Variants in DAD1 observed in about 807,000 individuals in gnomAD.
The protein encoded by DAD1 is defender against cell death 1, also known as dolichyl-diphosphooligosaccharide--protein glycosyltransferase subunit DAD1.
In DAD1, 4 loss-of-function variants were observed where a neutral mutation model predicts 9.0. That is an observed-to-expected ratio of 0.44 (90% CI 0.22 to 1.01). DAD1 has a LOEUF of 1.01. Among genes scored for constraint, DAD1 ranks in the 50% least tolerant of loss-of-function variants. The pLI, the probability that DAD1 is intolerant of heterozygous loss-of-function variation, is 0.24. For synonymous variants in DAD1, 60 were observed against 62.5 expected (o/e 0.96, Z 0.19); for missense variants, 119 against 137.3 (o/e 0.87, Z 0.67).
intron 1 of DAD1, among the ~76,000 whole-genome samples, chr14:22,587,396 GGGCT>G (rs909674179): frequency 1.3e-5 from 2 of 152,088 alleles, no homozygotes; most frequent in African/African-American, 4.8e-5. Context: ...TTCCTTCTCC[GGGCT>G]GGCTAATAAA....
At chr14:22,583,449 A>G (rs2037131807) in intron 1 of DAD1, among the ~76,000 whole-genome samples, 1 of 152,112 alleles carries the variant, frequency 6.6e-6, no homozygotes, top group South Asian at 2.1e-4. Flanking sequence ...GAGTAGTTTC[A>G]GTGAAGTAAT....
chr14:22,574,941 A>C lies in DAD1; in HGVS notation c.*44+118T>G, dbSNP rs1194593238. The C allele has an allele frequency of 7.4e-6, 6 of 810,930 alleles. No homozygotes were observed. In the East Asian group the frequency reaches 1.5e-4, roughly 20 times the overall value. 50.2% of individuals were successfully genotyped at this position (810,930 alleles called of 1,614,324 possible). On this transcript the variant is annotated intron_variant, in intron 2 of 2. Coordinates refer to ENST00000250498, the MANE Select transcript of DAD1 (RefSeq NM_001344.4). ...ATGCATACTTTGCAGACCAATGGAA[A>C]ATTCTGCAAATGTCAATAGCAGTAT...
Position 22,589,177 on chromosome 14 carries a change from C to G in DAD1, c.-20G>C, listed in dbSNP as rs759723186. On this transcript the variant is annotated 5_prime_UTR_variant, in exon 1 of 3. Transcript: ENST00000250498. ...CGACATAACTGCACGCAAGGTACTC[C>G]GGTCCGCGCCCCAAACTCTTGGAGG... The G allele has an allele frequency of 1.9e-6, 3 of 1,613,508 alleles. No individual in the cohort carries two copies. The highest frequency in any genetic ancestry group is 1.7e-4 in the Middle Eastern group (1 of 6,026).
chr14:22,573,646 T>A (rs976221049), intron 2 of DAD1, among the ~76,000 whole-genome samples: 2 of 139,248 alleles, frequency 1.4e-5, no homozygotes, highest in East Asian at 4.2e-4. Flanking sequence ...GGAGGCGGAG[T>A]CTGCAGTGAG....
intron 1 of DAD1, 66 bp downstream of exon 1, chr14:22,588,881 C>G (rs2037172132): frequency 1.3e-6 from 2 of 1,524,104 alleles, no homozygotes; most frequent in Admixed American, 1.8e-5. Context: ...ATATAGAGTA[C>G]TATGAAAACA....
chr14:22,582,286 G>A (rs968882341), intron 1 of DAD1, among the ~76,000 whole-genome samples: 19 of 151,864 alleles, frequency 1.3e-4, no homozygotes, highest in Non-Finnish European at 2.1e-4. Context: ...AAGCCAAGGC[G>A]GGCGGATCAC....
Position 22,565,546 on chromosome 14 carries a change from T to C in DAD1, c.*45-409A>G, listed in dbSNP as rs548439813. On this transcript the variant is annotated intron_variant, in intron 2 of 2. Transcript: ENST00000250498. ...AATGCTTATGAAGCACAGATTTCCA[T>C]TGGTGGGGAGGCAGGGTAGGGAAGT... is the stretch of plus-strand genomic sequence containing the variant. 2.3e-3 allele frequency among the ~76,000 whole-genome samples: 347 copies of C among 152,252 alleles called. 1 individual carries two copies. Among genetic ancestry groups the C allele is most frequent in the African/African-American group, 7.8e-3 (326 of 41,556 alleles).
intron 1 of DAD1, among the ~76,000 whole-genome samples, chr14:22,584,147 T>G (rs1028344559): frequency 2.6e-5 from 4 of 152,070 alleles, no homozygotes; most frequent in African/African-American, 9.7e-5. Context: ...TGCTTCACAG[T>G]TGAATTCCCA....
intron 1 of DAD1, among the ~76,000 whole-genome samples, chr14:22,575,721 G>C (rs553123779): frequency 2.1e-3 from 317 of 152,236 alleles, no homozygotes; most frequent in African/African-American, 7.4e-3. Context: ...CTAATTTTTT[G>C]TATTTTTAGT....
chr14:22,573,368 G>A (rs1357748554), intron 2 of DAD1, among the ~76,000 whole-genome samples: 1 of 152,010 alleles, frequency 6.6e-6, no homozygotes, highest in Admixed American at 6.6e-5. Flanking sequence ...AGAAGGGGAG[G>A]GAGGAAGGGA....
At chr14:22,574,972 C>A (rs762520214) in intron 2 of DAD1, 87 bp downstream of exon 2, 197 of 1,179,942 alleles carry the variant, frequency 1.7e-4, no homozygotes, top group Non-Finnish European at 2.3e-4. Flanking sequence ...AGTATGGGAG[C>A]CTGGCCAACC....
intron 2 of DAD1, among the ~76,000 whole-genome samples, chr14:22,573,096 AAATG>A (rs1401363619): frequency 6.6e-6 from 1 of 152,114 alleles, no homozygotes; most frequent in Non-Finnish European, 1.5e-5. Context: ...GCGAGGCCCT[AAATG>A]GGCTGTATTT....
At chr14:22,569,732 G>A (rs973291192) in intron 2 of DAD1, among the ~76,000 whole-genome samples, 36 of 152,150 alleles carry the variant, frequency 2.4e-4, no homozygotes, top group African/African-American at 8.5e-4. Context: ...TTCTTTGGTA[G>A]CCTTAAATAC....
chr14:22,589,182 C>A lies in DAD1; in HGVS notation c.-25G>T, dbSNP rs2037175494. On this transcript the variant is annotated 5_prime_UTR_variant, in exon 1 of 3. Coordinates refer to ENST00000250498, the MANE Select transcript of DAD1 (RefSeq NM_001344.4). ...TAACTGCACGCAAGGTACTCCGGTCCGCGCCCCAAACTCTTGGAGGACCCG... is the reference window on the plus strand; with the variant it reads ...TAACTGCACGCAAGGTACTCCGGTCAGCGCCCCAAACTCTTGGAGGACCCG... The A allele has an allele frequency of 1.2e-6, 2 of 1,612,738 alleles. No homozygotes were observed. Among genetic ancestry groups the A allele is most frequent in the African/African-American group, 1.3e-5 (1 of 74,922 alleles).
chr14:22,575,906 G>A (rs1050735200), intron 1 of DAD1, among the ~76,000 whole-genome samples: 2 of 152,182 alleles, frequency 1.3e-5, no homozygotes, highest in Non-Finnish European at 2.9e-5. Flanking sequence ...GGTACCCAGA[G>A]GAAGCCAAAG....
At chr14:22,584,605 G>A (rs983807615) in intron 1 of DAD1, among the ~76,000 whole-genome samples, 1 of 150,656 alleles carries the variant, frequency 6.6e-6, no homozygotes, top group Non-Finnish European at 1.5e-5. Context: ...AGTCTAAAAA[G>A]TGAAGGAATT....
chr14:22,577,605 AG>A (rs2037086784), intron 1 of DAD1, among the ~76,000 whole-genome samples: 1 of 152,254 alleles, frequency 6.6e-6, no homozygotes, highest in Non-Finnish European at 1.5e-5. Context: ...CAGCCTTAAA[AG>A]GAAGGAAATT....
chr14:22,569,067 T>G (rs5742841), intron 2 of DAD1, among the ~76,000 whole-genome samples: 14,289 of 152,240 alleles, frequency 0.094, 1,236 homozygotes, highest in African/African-American at 0.23. Flanking sequence ...TGCCTTGGCT[T>G]TTTTTCTTTC....
intron 2 of DAD1, among the ~76,000 whole-genome samples, chr14:22,571,603 G>A (rs5742823): frequency 0.097 from 13,608 of 139,574 alleles, 1,165 homozygotes; most frequent in African/African-American, 0.23. Flanking sequence ...TACATTAGTT[G>A]TAAGATTTCT....
Sources: gnomAD v4.1 joint callset for allele counts (sites outside exome capture counted in the v4.1 genomes callset) on GRCh38, gnomAD v4.1.1 for gene constraint, MANE v1.5 for transcripts, NCBI Gene and HGNC (gene_info 2026-07-23, HGNC 2026-07-21) for gene names.